ACSL5: variants seen among roughly 807,000 people sequenced by gnomAD.
The protein encoded by ACSL5 is acyl-CoA synthetase long chain family member 5.
ACSL5 carries 50 observed loss-of-function variants against 84.9 expected under a neutral mutation model. The ratio of observed to expected loss-of-function variants is 0.59; its 90% confidence interval spans 0.47 to 0.75. The LOEUF (loss-of-function observed/expected upper bound fraction) is 0.75, where lower values mean the gene tolerates loss of function less well. ACSL5 is among the 30% of genes least tolerant of loss of function. ACSL5 has a pLI of 0.00. For missense variants in ACSL5, 775 were observed against 830.4 expected (o/e 0.93, Z 0.82); for synonymous variants, 280 against 300.7 (o/e 0.93, Z 0.71).
intron 1 of ACSL5, among the ~76,000 whole-genome samples, chr10:112,393,987 T>C (rs1195357311): frequency 6.6e-6 from 1 of 152,192 alleles, no homozygotes; most frequent in Non-Finnish European, 1.5e-5. Context: ...TTTGCTGCTA[T>C]TATATTCTCC....
At chr10:112,390,406 A>T (rs1350239562) in intron 1 of ACSL5, among the ~76,000 whole-genome samples, 2 of 152,224 alleles carry the variant, frequency 1.3e-5, no homozygotes, top group Non-Finnish European at 2.9e-5. Flanking sequence ...GAAGGGAAAG[A>T]AATTGGAACC....
intron 3 of ACSL5, among the ~76,000 whole-genome samples, chr10:112,401,824 CT>C (rs1179785846): frequency 1.6e-3 from 183 of 111,100 alleles, no homozygotes; most frequent in African/African-American, 4.6e-3. Context: ...TTCTTTCTTT[CT>C]TTCTTTCTTT....
rs1216402899 is a variant in ACSL5 at position 112,421,595 on chromosome 10, G to A, written c.1317G>A (p.Val439=). The A allele has an allele frequency of 6.2e-7, 1 of 1,614,056 alleles. No individual in the cohort carries two copies. Among genetic ancestry groups the A allele is most frequent in the Non-Finnish European group, 8.5e-7 (1 of 1,179,902 alleles). Residue 439 remains valine (V), a splice_region_variant and synonymous_variant, in exon 15 of 21, where the codon GTG becomes GTA. Coordinates refer to ENST00000354655, the MANE Select transcript of ACSL5 (RefSeq NM_203379.2). ...TFFRAAMGCQ[V]YEAYGQTECT... ...AAAGCTCTTCTTTGGTTTCCCAGGT[G>A]TATGAAGCTTATGGTCAAACAGAAT... is the stretch of plus-strand genomic sequence containing the variant.
At chr10:112,376,241 C>T in intron 1 of ACSL5, 8 of 1,583,704 alleles carry the variant, frequency 5.1e-6, no homozygotes, top group South Asian at 1.1e-5. Flanking sequence ...GAAAGCCTGA[C>T]ATGGCCTGAC....
chr10:112,421,706 G>A, intron 15 of ACSL5, 41 bp downstream of exon 15: 1 of 1,573,274 alleles, frequency 6.4e-7, no homozygotes, highest in African/African-American at 1.3e-5. Context: ...CCATGGTTGG[G>A]AGAAAGGTTC....
intron 10 of ACSL5, 102 bp downstream of exon 10, chr10:112,411,631 C>G (rs1844180860): frequency 7.5e-6 from 7 of 937,180 alleles, no homozygotes; most frequent in Non-Finnish European, 1.2e-5. Flanking sequence ...CACACATACA[C>G]ACACACACAC....
chr10:112,410,465 C>A lies in ACSL5; in HGVS notation c.714C>A (p.Asn238Lys). The A allele has an allele frequency of 6.2e-7, 1 of 1,614,152 alleles. No homozygotes were observed. The highest frequency in any genetic ancestry group is 8.5e-7 in the Non-Finnish European group (1 of 1,180,010). The change falls in exon 8 of 21, where the codon AAC becomes AAA. Residue 238 changes from asparagine (N) to lysine (K), a missense_variant and splice_region_variant. Asn to Lys is a moderately conservative substitution (Grantham distance 94). Transcript: ENST00000354655. ...IEILSLYDAE[N>K]LGKEHFRKPV... Reference sequence around the variant, plus strand: ...TTCTTGGTTTTCCATTCACATAGAACCTAGGCAAAGAGCACTTCAGAAAAC... The same window carrying A: ...TTCTTGGTTTTCCATTCACATAGAAACTAGGCAAAGAGCACTTCAGAAAAC...
chr10:112,410,751 T>C (rs1844159087), intron 9 of ACSL5, 116 bp downstream of exon 9: 1 of 1,063,920 alleles, frequency 9.4e-7, no homozygotes, highest in Non-Finnish European at 1.4e-6. Context: ...ACTTAGGGGC[T>C]CACAGCCTAA....
At chr10:112,425,718 C>A (rs887909567) in intron 18 of ACSL5, 3 of 377,180 alleles carry the variant, frequency 8.0e-6, no homozygotes, top group Non-Finnish European at 9.4e-6. Context: ...AATGGCTATA[C>A]TAAAAGGTAA....
intron 1 of ACSL5, among the ~76,000 whole-genome samples, chr10:112,377,360 C>A (rs144299589): frequency 9.1e-4 from 138 of 152,200 alleles, no homozygotes; most frequent in African/African-American, 3.2e-3. Context: ...GCCAACATGG[C>A]GAAACCCCAT....
chr10:112,422,147 G>T, intron 16 of ACSL5, 112 bp downstream of exon 16: 3 of 1,286,656 alleles, frequency 2.3e-6, no homozygotes, highest in Non-Finnish European at 3.3e-6. Flanking sequence ...TGTTAGCAAA[G>T]AATTAAGCAT....
At chr10:112,384,589 C>G (rs1281726692) in intron 1 of ACSL5, among the ~76,000 whole-genome samples, 1 of 152,176 alleles carries the variant, frequency 6.6e-6, no homozygotes, top group Non-Finnish European at 1.5e-5. Context: ...CTCACTGCAG[C>G]CTTGACCTCC....
intron 5 of ACSL5, among the ~76,000 whole-genome samples, chr10:112,407,387 C>A (rs1844065708): frequency 1.3e-5 from 2 of 152,034 alleles, no homozygotes; most frequent in Admixed American, 6.5e-5. Flanking sequence ...CCACGCCCAG[C>A]TAATTTTTGT....
chr10:112,427,012 G>A (rs1844751884), intron 20 of ACSL5, among the ~76,000 whole-genome samples, 153 bp downstream of exon 20: 1 of 152,148 alleles, frequency 6.6e-6, no homozygotes, highest in Admixed American at 6.5e-5. Flanking sequence ...TACTTGTACA[G>A]CGCCCTTTTT....
At chr10:112,403,515 A>G (rs1843953992) in intron 3 of ACSL5, among the ~76,000 whole-genome samples, 1 of 152,044 alleles carries the variant, frequency 6.6e-6, no homozygotes, top group African/African-American at 2.4e-5. Context: ...TGAACTCCCA[A>G]CCTCAGGTGA....
chr10:112,418,595 T>TA (rs1437806889), intron 14 of ACSL5, among the ~76,000 whole-genome samples: 1 of 151,140 alleles, frequency 6.6e-6, no homozygotes, highest in Non-Finnish European at 1.5e-5. Flanking sequence ...AAAATAAAAA[T>TA]AAAAAAAATA....
At chr10:112,412,441 T>C (rs1315260146) in intron 11 of ACSL5, 1 of 159,764 alleles carries the variant, frequency 6.3e-6, no homozygotes, top group African/African-American at 2.4e-5. Flanking sequence ...CACACCTGAG[T>C]GTGTAAGGTG....
In ACSL5 at chr10:112,418,051, A is replaced by G. The variant is rs979798501; in HGVS notation, c.1314+110A>G. On this transcript the variant is annotated intron_variant, in intron 14 of 20. Transcript: ENST00000354655. The stretch of plus-strand genomic sequence containing the variant: ...AAAGGTACCAAAATGAAAGTCACCT[A>G]AATTCTCAAAATCCAAAGAAAATAT... The G allele has an allele frequency of 4.7e-5, 38 of 816,628 alleles. No individual in the cohort carries two copies. In the African/African-American group the frequency reaches 6.3e-4, roughly 14 times the overall value. The allele number at this position is 816,628 out of a possible 1,614,324, so 50.6% of individuals were successfully genotyped here.
intron 1 of ACSL5, among the ~76,000 whole-genome samples, chr10:112,381,449 C>T (rs1301316565): frequency 2.6e-5 from 4 of 152,088 alleles, no homozygotes; most frequent in African/African-American, 9.7e-5. Context: ...AGGTAGATCA[C>T]TTGAAGTCAG....
Sources: allele counts gnomAD v4.1 joint callset (sites outside exome capture counted in the v4.1 genomes callset), GRCh38; gene constraint gnomAD v4.1.1; transcripts MANE v1.5; gene names NCBI Gene and HGNC (gene_info 2026-07-23, HGNC 2026-07-21).